CGNL1: variants seen among roughly 807,000 people sequenced by gnomAD.
CGNL1 encodes cingulin like 1.
Under a neutral mutation model 141.2 loss-of-function variants are expected in CGNL1, and 132 were observed. That is an observed-to-expected ratio of 0.93 (90% CI 0.81 to 1.08). The LOEUF is 1.08. CGNL1 is among the 50% of genes least tolerant of loss of function. The pLI is 0.00. For missense variants in CGNL1, 1,870 were observed against 1,588.6 expected (o/e 1.18, Z -3.01); for synonymous variants, 690 against 622.1 (o/e 1.11, Z -1.63).
At chr15:57,407,156 T>G (rs2062732538) in intron 1 of CGNL1, 1 of 152,220 alleles carries the variant, frequency 6.6e-6, no homozygotes. Context: ...GACCTTCCGT[T>G]AAGGTGGTCA....
intron 7 of CGNL1, among the ~76,000 whole-genome samples, chr15:57,460,151 G>T (rs1258912509): frequency 6.6e-6 from 1 of 152,166 alleles, no homozygotes; most frequent in Admixed American, 6.5e-5. Context: ...ACAGGAGTCT[G>T]TGTTATCTTG....
At chr15:57,408,107 A>C (rs1212977007) in intron 1 of CGNL1, among the ~76,000 whole-genome samples, 1 of 152,082 alleles carries the variant, frequency 6.6e-6, no homozygotes, top group African/African-American at 2.4e-5. Flanking sequence ...GGGTGCAGTA[A>C]GTTAGGAGTT....
At chr15:57,460,901 G>A (rs2063437221) in intron 7 of CGNL1, among the ~76,000 whole-genome samples, 1 of 152,164 alleles carries the variant, frequency 6.6e-6, no homozygotes, top group African/African-American at 2.4e-5. Flanking sequence ...CTGGGTGGAA[G>A]AAGGCCTGGA....
rs7182648 is a variant in CGNL1 at position 57,439,375 on chromosome 15, C to A, written c.1376C>A (p.Ser459Tyr). The A allele has an allele frequency of 1.9e-6, 3 of 1,613,924 alleles. No individual in the cohort carries two copies. The highest frequency in any genetic ancestry group is 1.7e-5 in the Admixed American group (1 of 59,998). Residue 459 changes from serine to tyrosine, a missense_variant, in exon 2 of 19, where the codon TCC (serine) becomes TAC (tyrosine). Coordinates refer to ENST00000281282, the MANE Select transcript of CGNL1 (RefSeq NM_032866.5). ...GAAHGASCAH[S>Y]RPPQPNIDGK... ...GCGCACGGGGCTTCATGTGCCCACT[C>A]CAGGCCTCCCCAGCCGAACATAGAT...
At chr15:57,464,415 C>T (rs2063484034) in intron 8 of CGNL1, among the ~76,000 whole-genome samples, 1 of 152,110 alleles carries the variant, frequency 6.6e-6, no homozygotes, top group African/African-American at 2.4e-5. Flanking sequence ...TAGACCAATA[C>T]ACCCCATATG....
chr15:57,528,589 G>C, intron 12 of CGNL1, 65 bp from the exon 13 acceptor site: 1 of 1,551,592 alleles, frequency 6.4e-7, no homozygotes, highest in Non-Finnish European at 8.8e-7. Flanking sequence ...CCTGTGCACT[G>C]TCTGTGGAGG....
At chr15:57,528,340 G>T (rs2031741994) in intron 12 of CGNL1, among the ~76,000 whole-genome samples, 1 of 151,980 alleles carries the variant, frequency 6.6e-6, no homozygotes, top group South Asian at 2.1e-4. Flanking sequence ...TAGCACAAAA[G>T]ATTTGCAAAT....
chr15:57,527,707 C>G (rs2031700032), intron 12 of CGNL1: 1 of 152,220 alleles, frequency 6.6e-6, no homozygotes, highest in Admixed American at 6.5e-5. Flanking sequence ...ATGGAAAAAA[C>G]AACAACATTA....
intron 14 of CGNL1, among the ~76,000 whole-genome samples, chr15:57,537,278 G>C (rs2032312054): frequency 6.6e-6 from 1 of 152,178 alleles, no homozygotes; most frequent in Non-Finnish European, 1.5e-5. Flanking sequence ...AGGCTGCCTT[G>C]TTGCCTCGGC....
chr15:57,477,264 G>A (rs1223881363), intron 8 of CGNL1, among the ~76,000 whole-genome samples: 2 of 152,204 alleles, frequency 1.3e-5, no homozygotes, highest in South Asian at 2.1e-4. Flanking sequence ...GAGACGTGGT[G>A]CAGGAGGATG....
At chr15:57,391,925 A>T (rs1479628290) in intron 1 of CGNL1, among the ~76,000 whole-genome samples, 1 of 151,418 alleles carries the variant, frequency 6.6e-6, no homozygotes, top group Non-Finnish European at 1.5e-5. Flanking sequence ...ATGTATTCTG[A>T]GATCCCATTT....
At chr15:57,377,918 C>T (rs1226322692) in intron 1 of CGNL1, among the ~76,000 whole-genome samples, 2 of 152,218 alleles carry the variant, frequency 1.3e-5, no homozygotes, top group Admixed American at 6.5e-5. Context: ...AATGGAGTTG[C>T]ATAAATGTGG....
chr15:57,470,681 G>A (rs531829922), intron 8 of CGNL1, among the ~76,000 whole-genome samples: 9 of 152,276 alleles, frequency 5.9e-5, no homozygotes, highest in East Asian at 5.8e-4. Flanking sequence ...CTGTGCCAGC[G>A]CGGTGCTAGT....
intron 1 of CGNL1, among the ~76,000 whole-genome samples, chr15:57,426,447 ATTTT>A (rs34527096): frequency 1.4e-5 from 2 of 139,864 alleles, no homozygotes; most frequent in Non-Finnish European, 1.6e-5. Context: ...ACCAGGCCAC[ATTTT>A]TTTTTTTTTT....
chr15:57,524,791 T>A, intron 12 of CGNL1, 40 bp downstream of exon 12: 1 of 1,597,644 alleles, frequency 6.3e-7, no homozygotes. Flanking sequence ...TATCCCTTAT[T>A]CAAAGTATCC....
intron 8 of CGNL1, among the ~76,000 whole-genome samples, chr15:57,503,021 A>C (rs1198722540): frequency 6.6e-6 from 1 of 152,220 alleles, no homozygotes; most frequent in Non-Finnish European, 1.5e-5. Flanking sequence ...CATTTCATTA[A>C]GCTACCGCCT....
chr15:57,464,619 G>A (rs763748048), intron 8 of CGNL1, among the ~76,000 whole-genome samples: 21 of 152,044 alleles, frequency 1.4e-4, no homozygotes, highest in Admixed American at 3.3e-4. Context: ...GGGAACTCTA[G>A]TATTATTCTT....
chr15:57,450,952 T>C (rs1273140033), intron 4 of CGNL1, among the ~76,000 whole-genome samples: 1 of 152,186 alleles, frequency 6.6e-6, no homozygotes, highest in African/African-American at 2.4e-5. Flanking sequence ...CATAATCTCC[T>C]GATGTAGTAA....
intron 11 of CGNL1, among the ~76,000 whole-genome samples, 164 bp downstream of exon 11, chr15:57,523,805 A>C (rs1444603474): frequency 2.6e-5 from 4 of 152,194 alleles, no homozygotes; most frequent in African/African-American, 9.7e-5. Context: ...TTTGTTGAAA[A>C]GATAGACACT....
Sources: gnomAD v4.1 joint callset for allele counts (sites outside exome capture counted in the v4.1 genomes callset) on GRCh38, gnomAD v4.1.1 for gene constraint, MANE v1.5 for transcripts, NCBI Gene and HGNC (gene_info 2026-07-23, HGNC 2026-07-21) for gene names.